The following WWOX variants were observed in gnomAD, a reference collection of about 807,000 sequenced individuals.
WWOX encodes WW domain-containing oxidoreductase.
In WWOX, 69 loss-of-function variants were observed where a neutral mutation model predicts 46.2. The observed-to-expected ratio is 1.49, with a 90% CI of 1.23 to 1.82. WWOX has a LOEUF of 1.82. WWOX is among the 40% of genes most tolerant of loss of function. The probability of loss-of-function intolerance (pLI) is 0.00; values close to 1 mark genes in which losing one functional copy is unlikely to be tolerated. For missense variants in WWOX, 919 were observed against 542.6 expected (o/e 1.69, Z -6.89); for synonymous variants, 359 against 202.6 (o/e 1.77, Z -6.56).
chr16:78,500,885 G>T (rs549214975), intron 8 of WWOX, among the ~76,000 whole-genome samples: 53 of 152,348 alleles, frequency 3.5e-4, no homozygotes, highest in African/African-American at 1.3e-3. Context: ...GCTCAAAGAA[G>T]TTCCAAAAGA....
chr16:78,517,463 G>A lies in WWOX; in HGVS notation c.1056+84711G>A, dbSNP rs904133760. The stretch of plus-strand genomic sequence containing the variant: ...ATATGAATGTCTTGTTCGACGCTTC[G>A]CATATGTATTTATGGCTGTGTGATA... On this transcript the variant is annotated intron_variant, in intron 8 of 8. Coordinates refer to ENST00000566780, the MANE Select transcript of WWOX (RefSeq NM_016373.4). Among the ~76,000 whole-genome samples the A allele has an allele frequency of 1.2e-4, 19 of 152,202 alleles. 1 individual carries two copies. Among genetic ancestry groups the A allele is most frequent in the Admixed American group, 5.9e-4 (9 of 15,288 alleles).
intron 8 of WWOX, among the ~76,000 whole-genome samples, chr16:79,194,046 C>T (rs434395): frequency 0.5 from 76,552 of 151,962 alleles, 20,571 homozygotes; most frequent in Non-Finnish European, 0.61. Flanking sequence ...ATCTAGCTAA[C>T]GTGGTTGTTA....
intron 8 of WWOX, among the ~76,000 whole-genome samples, chr16:79,168,825 A>C (rs1274905760): frequency 1.3e-5 from 2 of 151,780 alleles, no homozygotes; most frequent in African/African-American, 2.4e-5. Context: ...ACCAGAATTC[A>C]CTCTCTCCAC....
chr16:78,598,485 A>G (rs1228598107), intron 8 of WWOX, among the ~76,000 whole-genome samples: 1 of 152,150 alleles, frequency 6.6e-6, no homozygotes, highest in Non-Finnish European at 1.5e-5. Flanking sequence ...TTGCTCTGAT[A>G]CAATTCAGCA....
At chr16:78,173,652 C>G (rs774399323) in intron 5 of WWOX, among the ~76,000 whole-genome samples, 5 of 152,114 alleles carry the variant, frequency 3.3e-5, no homozygotes, top group Non-Finnish European at 5.9e-5. Context: ...ATATGACTCT[C>G]AGATTCTGGC....
intron 8 of WWOX, among the ~76,000 whole-genome samples, chr16:78,791,162 C>G (rs1241458372): frequency 1.3e-5 from 2 of 152,066 alleles, no homozygotes; most frequent in East Asian, 1.9e-4. Flanking sequence ...TGACTCAGTG[C>G]TTTCCTGACT....
chr16:78,213,250 CAAAAAAAAAAA>C, intron 5 of WWOX, among the ~76,000 whole-genome samples: 1 of 97,082 alleles, frequency 1.0e-5, no homozygotes, highest in South Asian at 3.9e-4. Flanking sequence ...GACTGTATCT[CAAAAAAAAAAA>C]AAAAAAAAAA....
At chr16:78,513,967 C>A (rs1255239046) in intron 8 of WWOX, among the ~76,000 whole-genome samples, 1 of 146,194 alleles carries the variant, frequency 6.8e-6, no homozygotes, top group African/African-American at 2.7e-5. Flanking sequence ...TCTTCCCTTG[C>A]AGGTGTCTGT....
At chr16:78,557,635 T>A (rs1195475222) in intron 8 of WWOX, among the ~76,000 whole-genome samples, 1 of 151,834 alleles carries the variant, frequency 6.6e-6, no homozygotes, top group South Asian at 2.1e-4. Context: ...AAAACTGTCT[T>A]ATTTTTCATT....
intron 8 of WWOX, among the ~76,000 whole-genome samples, chr16:78,679,704 G>C (rs1225775229): frequency 6.6e-6 from 1 of 152,326 alleles, no homozygotes; most frequent in East Asian, 1.9e-4. Flanking sequence ...TGTGACAGAA[G>C]CTCCTTATTT....
rs576389755 is a variant in WWOX, at chr16:78,473,845, C to T, written c.1056+41093C>T. ...ATGATCCAGCTGTTGCATGGTGTAGCATGCCTAGTCCTTGCAGCACACACG... is the reference window on the plus strand; with the variant it reads ...ATGATCCAGCTGTTGCATGGTGTAGTATGCCTAGTCCTTGCAGCACACACG... On this transcript the variant is annotated intron_variant, in intron 8 of 8. Coordinates refer to ENST00000566780, the MANE Select transcript of WWOX (RefSeq NM_016373.4). 4.6e-5 allele frequency among the ~76,000 whole-genome samples: 7 copies of T among 152,274 alleles called. No homozygotes were observed. In the South Asian group the frequency reaches 1.5e-3, roughly 32 times the overall value.
intron 3 of WWOX, among the ~76,000 whole-genome samples, chr16:78,111,006 ATTTTTT>A (rs112868043): frequency 1.4e-5 from 2 of 147,246 alleles, no homozygotes; most frequent in East Asian, 3.9e-4. Flanking sequence ...TTGAGCAGGA[ATTTTTT>A]TTTTTTTTAA....
intron 5 of WWOX, among the ~76,000 whole-genome samples, chr16:78,310,216 G>A (rs2080213634): frequency 6.6e-6 from 1 of 151,974 alleles, no homozygotes; most frequent in African/African-American, 2.4e-5. Context: ...TTCTACCCAC[G>A]AATTTTCTTA....
chr16:78,475,260 T>G (rs1240995965), intron 8 of WWOX, among the ~76,000 whole-genome samples: 1 of 152,222 alleles, frequency 6.6e-6, no homozygotes, highest in African/African-American at 2.4e-5. Context: ...TTCTTCATCT[T>G]TATCTTCTCC....
intron 8 of WWOX, among the ~76,000 whole-genome samples, chr16:78,641,467 C>T (rs1017684729): frequency 5.9e-5 from 9 of 152,200 alleles, no homozygotes; most frequent in Middle Eastern, 3.4e-3. Flanking sequence ...AACCTCTCCC[C>T]ACCCAATCCC....
chr16:78,675,040 A>T (rs1275113354), intron 8 of WWOX, among the ~76,000 whole-genome samples: 1 of 152,224 alleles, frequency 6.6e-6, no homozygotes, highest in Non-Finnish European at 1.5e-5. Context: ...TGTACATTAC[A>T]TGGTAAGTGC....
intron 8 of WWOX, among the ~76,000 whole-genome samples, chr16:78,598,638 T>C (rs2045548986): frequency 6.6e-6 from 1 of 152,124 alleles, no homozygotes; most frequent in South Asian, 2.1e-4. Flanking sequence ...GCAAACGTTT[T>C]GAAAAGAAAT....
chr16:78,634,566 C>A (rs1171511978), intron 8 of WWOX, among the ~76,000 whole-genome samples: 2 of 151,946 alleles, frequency 1.3e-5, no homozygotes, highest in African/African-American at 4.8e-5. Flanking sequence ...ATTAGCTGGG[C>A]ATGGTGGCGG....
At chr16:78,147,151 C>CT (rs35026859) in intron 4 of WWOX, among the ~76,000 whole-genome samples, 28,917 of 149,796 alleles carry the variant, frequency 0.19, 2,655 homozygotes, top group East Asian at 0.22. Context: ...ATCAGAGATA[C>CT]TTTTTTTTTT....
Sources: gnomAD v4.1 joint callset for allele counts (sites outside exome capture counted in the v4.1 genomes callset) on GRCh38, gnomAD v4.1.1 for gene constraint, MANE v1.5 for transcripts, NCBI Gene and HGNC (gene_info 2026-07-23, HGNC 2026-07-21) for gene names.